RPL39L: variants seen among roughly 807,000 people sequenced by gnomAD.
RPL39L encodes ribosomal protein L39 like.
For synonymous variants in RPL39L, 16 were observed against 20.1 expected (o/e 0.80, Z 0.55); for missense variants, 48 against 58.9 (o/e 0.81, Z 0.61).
At chr3:187,130,167 T>C (rs4686852) in intron 1 of RPL39L, among the ~76,000 whole-genome samples, 54,468 of 151,950 alleles carry the variant, frequency 0.36, 12,989 homozygotes, top group African/African-American at 0.68. Context: ...GAACCAGTCT[T>C]GGGATTTGTG....
intron 2 of RPL39L, among the ~76,000 whole-genome samples, chr3:187,122,974 C>A (rs1027556290): frequency 6.6e-6 from 1 of 152,006 alleles, no homozygotes; most frequent in African/African-American, 2.4e-5. Flanking sequence ...AATAGAAATA[C>A]CTATTAGTCT....
chr3:187,128,373 G>T (rs78965739), intron 1 of RPL39L, among the ~76,000 whole-genome samples: 1,681 of 152,168 alleles, frequency 0.011, 11 homozygotes, highest in Middle Eastern at 0.027. Context: ...TCTTTGGGGG[G>T]ATTAGATTCT....
intron 1 of RPL39L, among the ~76,000 whole-genome samples, chr3:187,132,036 G>A (rs147606794): frequency 6.6e-5 from 10 of 152,090 alleles, no homozygotes; most frequent in Non-Finnish European, 1.2e-4. Context: ...CGCTTTCGTC[G>A]TCACACCAGA....
In RPL39L at chr3:187,139,319, G is replaced by A. The variant is rs1307920131; in HGVS notation, c.-199C>T. 3 of 152,434 alleles carry A rather than the reference G, an allele frequency of 2.0e-5. No homozygotes were observed. The highest frequency in any genetic ancestry group is 4.8e-5 in the African/African-American group (2 of 41,472). The allele number at this position is 152,434 out of a possible 1,614,324, so 9.4% of individuals were successfully genotyped here. On this transcript the variant is annotated 5_prime_UTR_variant, in exon 1 of 3. Coordinates refer to ENST00000296277, the MANE Select transcript of RPL39L (RefSeq NM_052969.3). ...GGGCCCAGCTCCCTCAGGTCTGCGT[G>A]TCACCGACCCGAACCCGCTCCGTCG...
intron 1 of RPL39L, among the ~76,000 whole-genome samples, chr3:187,131,912 T>C (rs1054950057): frequency 6.6e-6 from 1 of 152,374 alleles, no homozygotes; most frequent in Non-Finnish European, 1.5e-5. Flanking sequence ...CTAATGTCAC[T>C]ATCTTGACTA....
rs1409988751 is a variant in RPL39L, at chr3:187,139,491, G to C, written c.-371C>G. ...TCAACCGCCGCGCGCCGGATGCTAA[G>C]ACCGCGATTTCCCCGGATGCTAGGG... On this transcript the variant is annotated 5_prime_UTR_variant, in exon 1 of 3. Coordinates refer to ENST00000296277, the MANE Select transcript of RPL39L (RefSeq NM_052969.3). 6.6e-6 allele frequency: 1 copy of C among 152,248 alleles called. No individual in the cohort carries two copies. The highest frequency in any genetic ancestry group is 1.5e-5 in the Non-Finnish European group (1 of 68,060). 9.4% of individuals were successfully genotyped at this position (152,248 alleles called of 1,614,324 possible).
intron 2 of RPL39L, 52 bp from the exon 3 acceptor site, chr3:187,121,380 G>C (rs1720306909): frequency 6.7e-7 from 1 of 1,503,216 alleles, no homozygotes; most frequent in Non-Finnish European, 9.1e-7. Flanking sequence ...CATAGGATAG[G>C]ATAAGGTAAC....
At chr3:187,138,700 C>G (rs1006118099) in intron 1 of RPL39L, among the ~76,000 whole-genome samples, 1 of 152,152 alleles carries the variant, frequency 6.6e-6, no homozygotes, top group Non-Finnish European at 1.5e-5. Flanking sequence ...CCCTTTAAGG[C>G]TACTTTATTG....
intron 1 of RPL39L, among the ~76,000 whole-genome samples, chr3:187,131,955 A>G (rs780399793): frequency 6.6e-5 from 10 of 152,210 alleles, no homozygotes; most frequent in Non-Finnish European, 1.5e-4. Context: ...CACAGACTAT[A>G]AGCTCCTCAA....
chr3:187,121,078 T>A lies in RPL39L; in HGVS notation c.*67A>T, dbSNP rs1024933535. 15 of 1,565,458 alleles carry A rather than the reference T, an allele frequency of 9.6e-6. No individual in the cohort carries two copies. The highest frequency in any genetic ancestry group is 8.8e-6 in the Non-Finnish European group (10 of 1,141,360). On this transcript the variant is annotated 3_prime_UTR_variant, in exon 3 of 3. Transcript: ENST00000296277. ...TCCAGGTAGTGGTGACATTTTCAGCTTGATATCGTAAGATGATCGTGAACT... is the reference window on the plus strand; with the variant it reads ...TCCAGGTAGTGGTGACATTTTCAGCATGATATCGTAAGATGATCGTGAACT...
chr3:187,129,734 T>C (rs1307597191), intron 1 of RPL39L, among the ~76,000 whole-genome samples: 1 of 152,214 alleles, frequency 6.6e-6, no homozygotes, highest in African/African-American at 2.4e-5. Flanking sequence ...TTTTGGACTA[T>C]AAAGTTAACC....
chr3:187,123,329 G>T (rs2108467035), intron 2 of RPL39L, among the ~76,000 whole-genome samples: 1 of 152,332 alleles, frequency 6.6e-6, no homozygotes, highest in Admixed American at 6.5e-5. Context: ...CCTTGTAGGA[G>T]TCTACAGGTT....
At chr3:187,136,295 A>G (rs1245244596) in intron 1 of RPL39L, among the ~76,000 whole-genome samples, 3 of 152,260 alleles carry the variant, frequency 2.0e-5, no homozygotes, top group Admixed American at 2.0e-4. Context: ...GCAGTGCCAG[A>G]GTTTGTAACA....
At chr3:187,133,467 T>C (rs150481742) in intron 1 of RPL39L, among the ~76,000 whole-genome samples, 11 of 152,248 alleles carry the variant, frequency 7.2e-5, no homozygotes, top group Non-Finnish European at 1.6e-4. Flanking sequence ...TCCCCAGCCA[T>C]GTGGAACTGG....
At chr3:187,130,856 A>G (rs1720473735) in intron 1 of RPL39L, among the ~76,000 whole-genome samples, 1 of 152,180 alleles carries the variant, frequency 6.6e-6, no homozygotes, top group Admixed American at 6.5e-5. Context: ...GGCTGTTCTT[A>G]CAAGTTTTTT....
chr3:187,125,037 C>T (rs967805193), intron 2 of RPL39L, among the ~76,000 whole-genome samples: 1 of 152,154 alleles, frequency 6.6e-6, no homozygotes, highest in Non-Finnish European at 1.5e-5. Flanking sequence ...AACCACATGT[C>T]TTTAGATCAT....
intron 1 of RPL39L, among the ~76,000 whole-genome samples, chr3:187,133,813 G>A (rs1720526333): frequency 6.6e-6 from 1 of 152,038 alleles, no homozygotes; most frequent in Non-Finnish European, 1.5e-5. Context: ...AGAGGAAATC[G>A]AACCTGGTAG....
At chr3:187,126,780 ACAGCATTT>A (rs1016377707) in intron 2 of RPL39L, among the ~76,000 whole-genome samples, 183 of 152,320 alleles carry the variant, frequency 1.2e-3, no homozygotes, top group African/African-American at 3.1e-3. Context: ...CTCCATTTTG[ACAGCATTT>A]CAGAGTACAG....
intron 2 of RPL39L, among the ~76,000 whole-genome samples, chr3:187,127,117 A>C (rs1720409900): frequency 6.6e-6 from 1 of 152,226 alleles, no homozygotes; most frequent in Non-Finnish European, 1.5e-5. Context: ...GTCAAACATA[A>C]CCAGCATATA....
Sources: gnomAD v4.1 joint callset for allele counts (sites outside exome capture counted in the v4.1 genomes callset) on GRCh38, gnomAD v4.1.1 for gene constraint, MANE v1.5 for transcripts, NCBI Gene and HGNC (gene_info 2026-07-23, HGNC 2026-07-21) for gene names.